Variants in RANBP2 observed in about 807,000 individuals in gnomAD.
RANBP2 encodes E3 SUMO-protein ligase RanBP2.
Under a neutral mutation model 303.6 loss-of-function variants are expected in RANBP2, and 57 were observed. The observed-to-expected ratio is 0.19, with a 90% CI of 0.15 to 0.23. The LOEUF (loss-of-function observed/expected upper bound fraction) is 0.23. Ranked by LOEUF, RANBP2 falls within the 10% of genes least tolerant of loss-of-function variation. The probability of loss-of-function intolerance (pLI) is 1.00; values close to 1 mark genes in which losing one functional copy is unlikely to be tolerated. For missense variants in RANBP2, 3,138 were observed against 3,780.8 expected (o/e 0.83, Z 4.46); for synonymous variants, 1,167 against 1,301.5 (o/e 0.90, Z 2.23).
the RANBP2 span, among the ~76,000 whole-genome samples, chr2:109,583,627 T>G: frequency 6.6e-6 from 1 of 152,088 alleles, no homozygotes; most frequent in Non-Finnish European, 1.5e-5. Flanking sequence ...ACCCAGCTAT[T>G]CCAACTTGGA....
the RANBP2 span, among the ~76,000 whole-genome samples, chr2:109,391,748 C>G: frequency 1.3e-5 from 2 of 152,220 alleles, no homozygotes; most frequent in East Asian, 3.8e-4. Flanking sequence ...AGAACGGCCA[C>G]CAACCCTTGG....
chr2:109,004,696 C>T, the RANBP2 span, among the ~76,000 whole-genome samples: 3 of 152,214 alleles, frequency 2.0e-5, no homozygotes, highest in African/African-American at 7.2e-5. Flanking sequence ...CTAGCTCTTA[C>T]CTCCTGGAAA....
the RANBP2 span, among the ~76,000 whole-genome samples, chr2:109,078,270 A>ATATATATATATATATAGCGCG: frequency 9.6e-5 from 1 of 10,422 alleles, no homozygotes; most frequent in Non-Finnish European, 2.2e-4. Flanking sequence ...TATAGCGCGT[A>ATATATATATATATATAGCGCG]TATATATATA....
chr2:109,539,414 C>T, the RANBP2 span, among the ~76,000 whole-genome samples: 16 of 152,252 alleles, frequency 1.1e-4, 1 homozygote, highest in South Asian at 3.1e-3. Context: ...AAAGGTTTCA[C>T]GTGTACCTTG....
rs774067116 is a variant in RANBP2 at position 108,749,062 on chromosome 2, T to G, written c.1206T>G (p.Gly402=). 1.9e-6 allele frequency: 3 copies of G among 1,612,012 alleles called. No individual in the cohort carries two copies. The highest frequency in any genetic ancestry group is 2.5e-6 in the Non-Finnish European group (3 of 1,179,860). ...CACCTAAGGATACATCTTTTCTTGG[T>G]AGCGATGATATTGGAAACATTGATG... ...SQSPKDTSFL[G]SDDIGNIDVR... is the part of the protein sequence containing the mutation. The change falls in exon 9 of 29, where the codon GGT becomes GGG. Residue 402 remains glycine (G), a synonymous_variant. Coordinates refer to ENST00000283195, the MANE Select transcript of RANBP2 (RefSeq NM_006267.5).
At chr2:108,742,539 C>T (rs1041914573) in intron 7 of RANBP2, among the ~76,000 whole-genome samples, 11 of 151,410 alleles carry the variant, frequency 7.3e-5, no homozygotes, top group African/African-American at 2.4e-4. Flanking sequence ...CTTCTGACCT[C>T]GCGATCCACC....
At chr2:109,651,205 C>T in the RANBP2 span, among the ~76,000 whole-genome samples, 1 of 152,120 alleles carries the variant, frequency 6.6e-6, no homozygotes, top group Non-Finnish European at 1.5e-5. Flanking sequence ...ACTACCATTT[C>T]CACCCCTTGA....
chr2:109,508,267 C>T, the RANBP2 span, among the ~76,000 whole-genome samples: 1 of 152,176 alleles, frequency 6.6e-6, no homozygotes, highest in Non-Finnish European at 1.5e-5. Flanking sequence ...GGACAGGGGA[C>T]ATGTATATAC....
At chr2:109,559,929 T>TTTTTTTC in the RANBP2 span, among the ~76,000 whole-genome samples, 1 of 149,970 alleles carries the variant, frequency 6.7e-6, no homozygotes, top group Admixed American at 6.7e-5. Flanking sequence ...TTTTTTTTTT[T>TTTTTTTC]TTGTCTTTTA....
intron 21 of RANBP2, 115 bp downstream of exon 21, chr2:108,771,986 G>A (rs1043967612): frequency 1.7e-5 from 22 of 1,298,568 alleles, no homozygotes; most frequent in Non-Finnish European, 1.9e-5. Flanking sequence ...TATCCTTGCA[G>A]GTAGATATTT....
the RANBP2 span, among the ~76,000 whole-genome samples, chr2:108,820,712 A>AAAAC: frequency 4.9e-4 from 11 of 22,606 alleles, no homozygotes; most frequent in South Asian, 4.9e-3. Context: ...AAAAAAAAAA[A>AAAAC]AAACAAACAA....
At chr2:109,610,102 T>A in the RANBP2 span, among the ~76,000 whole-genome samples, 2 of 151,786 alleles carry the variant, frequency 1.3e-5, no homozygotes, top group African/African-American at 4.8e-5. Context: ...GGTGTTTTTT[T>A]TTTTTTAGAC....
chr2:109,030,545 G>A, the RANBP2 span, among the ~76,000 whole-genome samples: 1 of 152,184 alleles, frequency 6.6e-6, no homozygotes, highest in Non-Finnish European at 1.5e-5. Flanking sequence ...ACTGTCTGAT[G>A]GGATGAGGCT....
At chr2:109,600,920 A>C in the RANBP2 span, among the ~76,000 whole-genome samples, 31 of 152,262 alleles carry the variant, frequency 2.0e-4, no homozygotes, top group African/African-American at 6.8e-4. Context: ...AGATACAAAT[A>C]AACAGCCAGA....
chr2:108,765,245 C>A lies in RANBP2; in HGVS notation c.4706C>A (p.Pro1569Gln). 1 of 1,613,960 alleles carries A rather than the reference C, an allele frequency of 6.2e-7. No individual in the cohort carries two copies. The highest frequency in any genetic ancestry group is 8.5e-7 in the Non-Finnish European group (1 of 1,179,996). Residue 1569 changes from proline to glutamine, a missense_variant, in exon 20 of 29, where the codon CCG (proline) becomes CAG (glutamine). Physicochemically the swap from Pro to Gln is moderately conservative, Grantham distance 76. Coordinates refer to ENST00000283195, the MANE Select transcript of RANBP2 (RefSeq NM_006267.5). Reference protein sequence around the residue: ...NATRCVACQNPDKPSPSTSVP... With the variant: ...NATRCVACQNQDKPSPSTSVP... ...ACAAGATGTGTTGCTTGTCAGAATC[C>A]GGATAAACCAAGTCCATCTACTTCT...
At chr2:109,564,426 C>A in the RANBP2 span, 1 of 1,598,380 alleles carries the variant, frequency 6.3e-7, no homozygotes, top group South Asian at 1.1e-5. Flanking sequence ...TTTGCAGCGC[C>A]TGTAAAGCTC....
chr2:108,791,287 C>G, the RANBP2 span, among the ~76,000 whole-genome samples: 1 of 152,126 alleles, frequency 6.6e-6, no homozygotes, highest in South Asian at 2.1e-4. Flanking sequence ...GCTCCACTTT[C>G]TACTCGTTAT....
At chr2:109,550,858 C>T in the RANBP2 span, among the ~76,000 whole-genome samples, 13 of 152,106 alleles carry the variant, frequency 8.5e-5, no homozygotes, top group African/African-American at 2.9e-4. Context: ...TGTAACGTAG[C>T]TGCATTTTTA....
At chr2:109,262,999 G>A in the RANBP2 span, among the ~76,000 whole-genome samples, 15 of 149,218 alleles carry the variant, frequency 1.0e-4, no homozygotes, top group African/African-American at 2.2e-4. Flanking sequence ...CACCTGGCTC[G>A]TTTTTTGTAT....
Sources: gnomAD v4.1 joint callset for allele counts (sites outside exome capture counted in the v4.1 genomes callset) on GRCh38, gnomAD v4.1.1 for gene constraint, MANE v1.5 for transcripts, NCBI Gene and HGNC (gene_info 2026-07-23, HGNC 2026-07-21) for gene names.